The following MGAT5B variants were observed in gnomAD, a reference collection of about 807,000 sequenced individuals.
MGAT5B encodes alpha-1,6-mannosylglycoprotein 6-beta-N-acetylglucosaminyltransferase B.
Under a neutral mutation model 95.1 loss-of-function variants are expected in MGAT5B, and 54 were observed. The ratio of observed to expected loss-of-function variants is 0.57; its 90% CI spans 0.46 to 0.71. The LOEUF is 0.71. Ranked by LOEUF, MGAT5B falls within the 30% of genes least tolerant of loss-of-function variation. The pLI, the probability that MGAT5B is intolerant of heterozygous loss-of-function variation, is 0.00. For synonymous variants in MGAT5B, 464 were observed against 451.0 expected (o/e 1.03, Z -0.36); for missense variants, 935 against 1,088.6 (o/e 0.86, Z 1.99).
Position 76,914,844 on chromosome 17 carries a change from G to T in MGAT5B, c.1025+8657G>T, listed in dbSNP as rs1429962375. Among the ~76,000 whole-genome samples the T allele has an allele frequency of 1.3e-5, 2 of 152,100 alleles. No homozygotes were observed. The highest frequency in any genetic ancestry group is 3.9e-4 in the East Asian group (2 of 5,182). On this transcript the variant is annotated intron_variant, in intron 8 of 17. Transcript: ENST00000569840. This position sits in a 1 kb window ranked among gnomAD's most constrained non-coding sequence, Gnocchi z 5.1. ...GTAGAGACAGGGTTTCACCATGTGG[G>T]CCAGGCTGGTCTCAAACTCCTGACC... is the stretch of plus-strand genomic sequence containing the variant.
chr17:76,938,786 C>T lies in MGAT5B; in HGVS notation c.1584+643C>T, dbSNP rs1025932750. Reference sequence around the variant, plus strand: ...CTTATATTCCTAGGCTCACACAGTCCCCTCACCTCCACCTCCCGAGTAGCT... The same window carrying T: ...CTTATATTCCTAGGCTCACACAGTCTCCTCACCTCCACCTCCCGAGTAGCT... On this transcript the variant is annotated intron_variant, in intron 13 of 17. Transcript: ENST00000569840. This position sits in a 1 kb window ranked among gnomAD's most constrained non-coding sequence, Gnocchi z 4.3. 6.6e-6 allele frequency among the ~76,000 whole-genome samples: 1 copy of T among 152,076 alleles called. No individual in the cohort carries two copies. Among genetic ancestry groups the T allele is most frequent in the African/African-American group, 2.4e-5 (1 of 41,392 alleles).
chr17:76,909,750 G>A (rs1968666068), intron 8 of MGAT5B, among the ~76,000 whole-genome samples: 1 of 152,226 alleles, frequency 6.6e-6, no homozygotes. Context: ...GGGAGAAGGA[G>A]GCTGGGTCTG....
chr17:76,882,502 T>A, intron 3 of MGAT5B: 1 of 569,530 alleles, frequency 1.8e-6, no homozygotes, highest in Non-Finnish European at 2.8e-6. Context: ...CCTCTTTAAA[T>A]AAAACGTCAC....
At chr17:76,892,260 C>G (rs563419021) in intron 3 of MGAT5B, among the ~76,000 whole-genome samples, 1 of 152,282 alleles carries the variant, frequency 6.6e-6, no homozygotes, top group East Asian at 1.9e-4. Flanking sequence ...GTTGGCCAGG[C>G]TGGTCTCGAA....
In MGAT5B at chr17:76,914,922, G is replaced by A. The variant is rs1968873625; in HGVS notation, c.1025+8735G>A. Among the ~76,000 whole-genome samples, 3 of 152,242 alleles carry A rather than the reference G, an allele frequency of 2.0e-5. No individual in the cohort carries two copies. The highest frequency in any genetic ancestry group is 2.1e-4 in the South Asian group (1 of 4,838). ...CAAAGTGCTGGGATTACAGGCGTGA[G>A]CCACTGCCCCCGGCCACGTTTCTTC... On this transcript the variant is annotated intron_variant, in intron 8 of 17. Coordinates refer to ENST00000569840, the MANE Select transcript of MGAT5B (RefSeq NM_001199172.2). This position sits in a 1 kb window ranked among gnomAD's most constrained non-coding sequence, Gnocchi z 5.1.
chr17:76,923,131 GCA>G (rs1213056739), intron 8 of MGAT5B, among the ~76,000 whole-genome samples: 1 of 151,896 alleles, frequency 6.6e-6, no homozygotes, highest in African/African-American at 2.4e-5. Context: ...GGGATGGTGC[GCA>G]CAGTCCCCTC....
chr17:76,923,393 C>A (rs909744304), intron 8 of MGAT5B, among the ~76,000 whole-genome samples: 6 of 149,910 alleles, frequency 4.0e-5, no homozygotes, highest in Non-Finnish European at 8.9e-5. Flanking sequence ...CTGGCTGGCA[C>A]CTGAACCCTG....
chr17:76,910,558 C>T (rs1968697523), intron 8 of MGAT5B, among the ~76,000 whole-genome samples: 1 of 152,262 alleles, frequency 6.6e-6, no homozygotes, highest in African/African-American at 2.4e-5. Context: ...GCACACACTC[C>T]ACATACACAT....
chr17:76,925,168 C>A, intron 9 of MGAT5B, 71 bp downstream of exon 9: 3 of 1,585,694 alleles, frequency 1.9e-6, no homozygotes, highest in Admixed American at 1.7e-5. Flanking sequence ...TCACGCCCTG[C>A]CCCCACGTCC....
intron 5 of MGAT5B, 108 bp downstream of exon 5, chr17:76,903,484 G>T (rs1968397706): frequency 3.9e-6 from 3 of 766,910 alleles, no homozygotes; most frequent in Middle Eastern, 7.3e-4. Context: ...CAGGGAAACA[G>T]CTTCTCTGCT....
chr17:76,869,302 C>A lies in MGAT5B; in HGVS notation c.68+205C>A, dbSNP rs1484054703. Reference sequence around the variant, plus strand: ...TGGGGAGGGTTGTGTTATTCGGGGACCTGTCCCGAGTTGGGCAGGGTTGGA... The same window carrying A: ...TGGGGAGGGTTGTGTTATTCGGGGAACTGTCCCGAGTTGGGCAGGGTTGGA... On this transcript the variant is annotated intron_variant, in intron 1 of 17. Transcript: ENST00000569840. The surrounding 1 kb of genome is among the most constrained non-coding windows in gnomAD (Gnocchi z 7.0). Among the ~76,000 whole-genome samples the A allele has an allele frequency of 6.6e-6, 1 of 151,916 alleles. No individual in the cohort carries two copies. Among genetic ancestry groups the A allele is most frequent in the Non-Finnish European group, 1.5e-5 (1 of 67,984 alleles).
At chr17:76,881,647 A>G (rs932325792) in intron 2 of MGAT5B, among the ~76,000 whole-genome samples, 13 of 152,162 alleles carry the variant, frequency 8.5e-5, no homozygotes, top group Non-Finnish European at 1.5e-4. Flanking sequence ...CAGAAATCTG[A>G]ATTTTAACAG....
chr17:76,919,654 C>G (rs1278662205), intron 8 of MGAT5B, among the ~76,000 whole-genome samples: 1 of 152,210 alleles, frequency 6.6e-6, no homozygotes, highest in African/African-American at 2.4e-5. Context: ...TGGTCTCAAA[C>G]TGCTGGACTC....
chr17:76,885,632 C>T (rs1348383954), intron 3 of MGAT5B, among the ~76,000 whole-genome samples: 1 of 152,226 alleles, frequency 6.6e-6, no homozygotes, highest in Non-Finnish European at 1.5e-5. Flanking sequence ...CCTCCCAGCT[C>T]CCTCCTGGGA....
rs372571720 is a variant in MGAT5B at position 76,939,029 on chromosome 17, G to GGTGTGTGTGTGTGT, written c.1584+919_1584+932dup. 7.8e-5 allele frequency among the ~76,000 whole-genome samples: 10 copies of GGTGTGTGTGTGTGT among 128,190 alleles called. 1 individual carries two copies. Among genetic ancestry groups the GGTGTGTGTGTGTGT allele is most frequent in the African/African-American group, 1.2e-4 (4 of 32,266 alleles). The allele number at this position is 128,190 out of a possible 152,430, so 84.1% of individuals were successfully genotyped here. On this transcript the variant is annotated intron_variant, in intron 13 of 17. Coordinates refer to ENST00000569840, the MANE Select transcript of MGAT5B (RefSeq NM_001199172.2). ...AGCTTGTTTCCCAAGGCATCTTGGG[G>GGTGTGTGTGTGTGT]GTGTGTGTGTGTGTGTGTGTGTGTG...
rs1262998147 is a variant in MGAT5B, at chr17:76,948,030, G to A, written c.2124G>A (p.Gly708=). The A allele has an allele frequency of 6.2e-7, 1 of 1,613,074 alleles. No individual in the cohort carries two copies. The change falls in exon 17 of 18, where the codon GGG becomes GGA. Residue 708 remains glycine (G), a synonymous_variant. Transcript: ENST00000569840. The stretch of plus-strand genomic sequence containing the variant: ...GCACCGACACCTGCCTGGACCACGG[G>A]CTAATCTGTGAGCCCTCCTTCTTCC... ...RACTDTCLDH[G]LICEPSFFPF...
intron 3 of MGAT5B, among the ~76,000 whole-genome samples, chr17:76,899,110 G>T (rs1320755797): frequency 6.6e-6 from 1 of 152,262 alleles, no homozygotes; most frequent in African/African-American, 2.4e-5. Flanking sequence ...TCCAGGAAGG[G>T]CTGAAACGGG....
At chr17:76,896,710 C>T (rs920880890) in intron 3 of MGAT5B, among the ~76,000 whole-genome samples, 1 of 152,152 alleles carries the variant, frequency 6.6e-6, no homozygotes, top group Non-Finnish European at 1.5e-5. Context: ...CCCAGGACCT[C>T]TGACTTCCAG....
rs1365405512 is a variant in MGAT5B, at chr17:76,937,989, G to A, written c.1430G>A (p.Gly477Glu). The A allele has an allele frequency of 8.1e-6, 13 of 1,612,594 alleles. No homozygotes were observed. Among genetic ancestry groups the A allele is most frequent in the African/African-American group, 1.3e-5 (1 of 74,900 alleles). The part of the protein sequence containing the change: ...GKEASIWKLQ[G>E]KEKFLGILNK... Reference sequence around the variant, plus strand: ...CATCTCCTCCTCTTCTTTTTCCAGGGGAAGGAGAAGTTCCTGGGCATCCTG... The same window carrying A: ...CATCTCCTCCTCTTCTTTTTCCAGGAGAAGGAGAAGTTCCTGGGCATCCTG... The change falls in exon 13 of 18, where the codon GGG (glycine) becomes GAG (glutamate). Residue 477 changes from glycine to glutamate, a missense_variant and splice_region_variant. Physicochemically the swap from Gly to Glu is moderately conservative, Grantham distance 98 (BLOSUM62 -2). This residue lies in a region of MGAT5B where 440 missense variants were observed against 523.6 expected (regional missense o/e 0.84). Coordinates refer to ENST00000569840, the MANE Select transcript of MGAT5B (RefSeq NM_001199172.2).
Sources: allele counts gnomAD v4.1 joint callset (sites outside exome capture counted in the v4.1 genomes callset), GRCh38; gene constraint gnomAD v4.1.1; regional missense constraint gnomAD v4.1.1; non-coding constraint Gnocchi (gnomAD v3.1); transcripts MANE v1.5; gene names NCBI Gene and HGNC (gene_info 2026-07-23, HGNC 2026-07-21).